The following LECT2 variants were observed in gnomAD, a reference collection of about 807,000 sequenced individuals.
LECT2 encodes the protein leukocyte cell derived chemotaxin 2.
LECT2 carries 11 observed loss-of-function variants against 16.6 expected under a neutral mutation model. The ratio of observed to expected loss-of-function variants is 0.66; its 90% CI spans 0.42 to 1.09. LECT2 has a LOEUF of 1.09. Ranked by LOEUF, LECT2 falls within the 50% of genes least tolerant of loss-of-function variation. The probability of loss-of-function intolerance (pLI) is 0.00; values close to 1 mark genes in which losing one functional copy is unlikely to be tolerated. For missense variants in LECT2, 173 were observed against 184.2 expected, an observed-to-expected ratio of 0.94 and a Z score of 0.35; for synonymous variants, 54 against 64.8, an observed-to-expected ratio of 0.83 and a Z score of 0.80.
intron 2 of LECT2, 87 bp downstream of exon 2, chr5:135,952,784 C>T: frequency 1.2e-6 from 1 of 843,698 alleles, no homozygotes; most frequent in Non-Finnish European, 2.0e-6. Flanking sequence ...GAACTGTGAG[C>T]CCTTGAGGCA....
At chr5:135,953,150 G>A (rs1763818554) in intron 1 of LECT2, 183 bp from the exon 2 acceptor site, 2 of 557,162 alleles carry the variant, frequency 3.6e-6, no homozygotes, top group Non-Finnish European at 6.4e-6. Flanking sequence ...TGTAAAATTG[G>A]CTTTTTCCCT....
intron 3 of LECT2, among the ~76,000 whole-genome samples, chr5:135,948,484 T>G (rs1371154534): frequency 6.6e-6 from 1 of 152,030 alleles, no homozygotes; most frequent in African/African-American, 2.4e-5. Flanking sequence ...TGAATTGAGA[T>G]GTGCTTTAAT....
rs1163267178 is a variant in LECT2, at chr5:135,947,279, C to T, written c.*52G>A. ...TTTCTTGAAGAGAAGGGTATGCATCCAGGTTTTTAAGATGACTTTTTATTT... is the reference window on the plus strand; with the variant it reads ...TTTCTTGAAGAGAAGGGTATGCATCTAGGTTTTTAAGATGACTTTTTATTT... On this transcript the variant is annotated 3_prime_UTR_variant, in exon 4 of 4. Transcript: ENST00000274507. 1.9e-6 allele frequency: 3 copies of T among 1,559,336 alleles called. No individual in the cohort carries two copies.
chr5:135,950,629 A>G (rs1167256797), intron 3 of LECT2, among the ~76,000 whole-genome samples: 1 of 152,244 alleles, frequency 6.6e-6, no homozygotes, highest in Non-Finnish European at 1.5e-5. Context: ...TACCTGGAGT[A>G]CCAGGAGATC....
At chr5:135,951,155 C>A (rs1188275347) in intron 3 of LECT2, 68 bp downstream of exon 3, 2 of 1,430,358 alleles carry the variant, frequency 1.4e-6, no homozygotes, top group East Asian at 4.6e-5. Context: ...ACGTATGGAA[C>A]CTGCATTAAA....
chr5:135,954,092 C>A (rs1763829276), intron 1 of LECT2, among the ~76,000 whole-genome samples: 1 of 152,000 alleles, frequency 6.6e-6, no homozygotes. Flanking sequence ...CACTTTGAAA[C>A]AAACAAGCAA....
chr5:135,947,755 C>T (rs1763724946), intron 3 of LECT2, among the ~76,000 whole-genome samples: 1 of 151,936 alleles, frequency 6.6e-6, no homozygotes, highest in Non-Finnish European at 1.5e-5. Flanking sequence ...AAAAGGTGAG[C>T]CCTGAACAAT....
intron 3 of LECT2, chr5:135,951,015 A>G (rs1382421922): frequency 1.0e-5 from 6 of 578,740 alleles, no homozygotes; most frequent in Admixed American, 3.0e-5. Context: ...GTTTACCTAT[A>G]TAACAAATGT....
At chr5:135,951,061 T>A (rs1038629111) in intron 3 of LECT2, 162 bp downstream of exon 3, 14 of 695,644 alleles carry the variant, frequency 2.0e-5, no homozygotes, top group South Asian at 6.0e-5. Context: ...AAAAGTTTTT[T>A]AAAAAATGCA....
intron 3 of LECT2, chr5:135,951,011 C>G (rs1295008695): frequency 1.7e-6 from 1 of 573,404 alleles, no homozygotes; most frequent in Non-Finnish European, 3.1e-6. Context: ...TGTGGTTTAC[C>G]TATATAACAA....
rs759038522 is a variant in LECT2 at position 135,952,894 on chromosome 5, G to A, written c.120C>T (p.Gly40=). The part of the protein sequence containing the change: ...SNEIRTCDRH[G]CGQYSAQRSQ... The stretch of plus-strand genomic sequence containing the variant: ...ACCTTTGAGCAGAGTACTGTCCACA[G>A]CCATGGCGGTCACACGTCCGGATCT... Residue 40 remains glycine, a synonymous_variant, in exon 2 of 4, where the codon GGC becomes GGT. Coordinates refer to ENST00000274507, the MANE Select transcript of LECT2 (RefSeq NM_002302.3). The A allele has an allele frequency of 2.5e-6, 4 of 1,613,470 alleles. No homozygotes were observed. The highest frequency in any genetic ancestry group is 2.5e-6 in the Non-Finnish European group (3 of 1,179,494).
rs755344880 is a variant in LECT2 at position 135,947,355 on chromosome 5, C to T, written c.432G>A (p.Ser144=). Residue 144 remains serine, a synonymous_variant, in exon 4 of 4, where the codon TCG becomes TCA. Coordinates refer to ENST00000274507, the MANE Select transcript of LECT2 (RefSeq NM_002302.3). ...QSHVHIENCD[S]SDPTAYL ...TTTACAGGTATGCAGTAGGGTCACT[C>T]GAGTCACAGTTTTCAATGTGCACAT... 126 of 1,613,694 alleles carry T rather than the reference C, an allele frequency of 7.8e-5. No individual in the cohort carries two copies. The highest frequency in any genetic ancestry group is 1.5e-4 in the South Asian group (14 of 91,052).
chr5:135,952,009 G>C (rs1763802833), intron 2 of LECT2, among the ~76,000 whole-genome samples: 1 of 152,174 alleles, frequency 6.6e-6, no homozygotes, highest in Non-Finnish European at 1.5e-5. Context: ...CTAATAGGCT[G>C]TCACCTGAAC....
intron 3 of LECT2, 58 bp from the exon 4 acceptor site, chr5:135,947,555 T>A (rs1763722687): frequency 7.1e-7 from 1 of 1,413,326 alleles, no homozygotes; most frequent in Non-Finnish European, 9.4e-7. Flanking sequence ...AATCTGAAAT[T>A]AAAAAAATAA....
chr5:135,951,237 C>T lies in LECT2; in HGVS notation c.275G>A (p.Arg92Gln), dbSNP rs1345599443. ...QNKNAINNGVRISGRGFCVKM... is the reference protein window; with the variant it reads ...QNKNAINNGVQISGRGFCVKM... ...ACCTCTCTTACCTCTTCCAGATATT[C>T]GAACACCATTATTGATAGCATTCTT... Residue 92 changes from arginine to glutamine, a missense_variant, in exon 3 of 4, where the codon CGA (arginine) becomes CAA (glutamine). Coordinates refer to ENST00000274507, the MANE Select transcript of LECT2 (RefSeq NM_002302.3). The T allele has an allele frequency of 9.9e-6, 16 of 1,614,006 alleles. No individual in the cohort carries two copies. The highest frequency in any genetic ancestry group is 2.2e-5 in the East Asian group (1 of 44,898).
chr5:135,952,948 AGCCCATG>A lies in LECT2; in HGVS notation c.59_65del (p.Pro20LeufsTer52), dbSNP rs1451702583. The A allele has an allele frequency of 1.2e-6, 2 of 1,613,822 alleles. No homozygotes were observed. Among genetic ancestry groups the A allele is most frequent in the Non-Finnish European group, 1.7e-6 (2 of 1,179,680 alleles). On this transcript the variant is annotated frameshift_variant, in exon 2 of 4. Transcript: ENST00000274507. LOFTEE classifies it high-confidence loss of function. Reference sequence around the variant, plus strand: ...TGGAAGACTTGCCAGCACATATATTAGCCCATGGCCCTGCCAGTGCTAAAAAGGAGAA... The same window carrying A: ...TGGAAGACTTGCCAGCACATATATTAGCCCTGCCAGTGCTAAAAAGGAGAA...
At chr5:135,952,802 TTGGGC>T (rs2126877056) in intron 2 of LECT2, 64 bp downstream of exon 2, 2 of 1,111,864 alleles carry the variant, frequency 1.8e-6, no homozygotes, top group Non-Finnish European at 2.7e-6. Context: ...GCAACCAACG[TTGGGC>T]AAGGACACTA....
At chr5:135,949,004 G>A (rs1214320912) in intron 3 of LECT2, among the ~76,000 whole-genome samples, 1 of 152,146 alleles carries the variant, frequency 6.6e-6, no homozygotes, top group African/African-American at 2.4e-5. Flanking sequence ...TATGACTTCT[G>A]TTATATTTCT....
chr5:135,952,777 C>A, intron 2 of LECT2, 94 bp downstream of exon 2: 2 of 776,712 alleles, frequency 2.6e-6, no homozygotes, highest in Non-Finnish European at 4.5e-6. Context: ...GCTGTCAGAA[C>A]TGTGAGCCCT....
Sources: gnomAD v4.1 joint callset for allele counts (sites outside exome capture counted in the v4.1 genomes callset) on GRCh38, gnomAD v4.1.1 for gene constraint, MANE v1.5 for transcripts, NCBI Gene and HGNC (gene_info 2026-07-23, HGNC 2026-07-21) for gene names.